S100Z: variants seen among roughly 807,000 people sequenced by gnomAD.
S100Z encodes the protein protein S100-Z.
In S100Z, 11 loss-of-function variants were observed where a neutral mutation model predicts 8.5. The ratio of observed to expected loss-of-function variants is 1.30; its 90% CI spans 0.82 to 2.15. The LOEUF (loss-of-function observed/expected upper bound fraction) is 2.15. Ranked by LOEUF, S100Z falls within the 30% of genes most tolerant of loss-of-function variation. The pLI, the probability that S100Z is intolerant of heterozygous loss-of-function variation, is 0.00. For missense variants in S100Z, 126 were observed against 117.9 expected (o/e 1.07, Z -0.32); for synonymous variants, 34 against 43.8 (o/e 0.78, Z 0.89).
intron 1 of S100Z, among the ~76,000 whole-genome samples, chr5:76,863,100 C>T (rs553851114): frequency 6.6e-6 from 1 of 152,258 alleles, no homozygotes; most frequent in African/African-American, 2.4e-5. Context: ...TCTGTAGTTC[C>T]TGGAGTAGAG....
the S100Z span, among the ~76,000 whole-genome samples, chr5:76,935,470 A>C: frequency 6.6e-6 from 1 of 152,204 alleles, no homozygotes; most frequent in African/African-American, 2.4e-5. Flanking sequence ...CCACCATCTT[A>C]GCATCATAAA....
At chr5:76,881,105 T>C (rs1743387857) in intron 4 of S100Z, among the ~76,000 whole-genome samples, 1 of 152,026 alleles carries the variant, frequency 6.6e-6, no homozygotes, top group South Asian at 2.1e-4. Flanking sequence ...AGTATTGGAG[T>C]GTACTTTGTC....
intron 4 of S100Z, among the ~76,000 whole-genome samples, chr5:76,900,175 C>A (rs139570893): frequency 6.6e-6 from 1 of 152,038 alleles, no homozygotes; most frequent in African/African-American, 2.4e-5. Context: ...TTTTGGTTGA[C>A]CTTTGGGAGT....
the S100Z span, among the ~76,000 whole-genome samples, chr5:76,940,577 T>C: frequency 6.6e-6 from 1 of 152,176 alleles, no homozygotes; most frequent in Non-Finnish European, 1.5e-5. Flanking sequence ...CACACCTAGC[T>C]AATTTTTGTA....
downstream of S100Z, among the ~76,000 whole-genome samples, chr5:76,926,005 G>C (rs1745131508): frequency 6.6e-6 from 1 of 151,968 alleles, no homozygotes; most frequent in Admixed American, 6.6e-5. Flanking sequence ...AAAATATAAG[G>C]GCACATAGTT....
chr5:76,888,171 C>T (rs931244620), intron 4 of S100Z, among the ~76,000 whole-genome samples: 2 of 150,496 alleles, frequency 1.3e-5, no homozygotes, highest in Non-Finnish European at 3.0e-5. Context: ...GCAGGAGAAT[C>T]GCTGGAACCC....
chr5:76,929,372 A>G, the S100Z span, among the ~76,000 whole-genome samples: 1 of 152,280 alleles, frequency 6.6e-6, no homozygotes, highest in African/African-American at 2.4e-5. Flanking sequence ...GAGTTGCTGG[A>G]CCAATTGAAC....
At chr5:76,871,050 G>A (rs1353239414) in intron 2 of S100Z, among the ~76,000 whole-genome samples, 1 of 152,160 alleles carries the variant, frequency 6.6e-6, no homozygotes, top group Non-Finnish European at 1.5e-5. Flanking sequence ...CTGAACAACT[G>A]AATTCCAGGC....
At position 76,852,050 on chromosome 5, in the gene S100Z, T is replaced by A. The variant is rs1469778427; in HGVS notation, c.-176+1895T>A. Among the ~76,000 whole-genome samples, 4 of 143,294 alleles carry A rather than the reference T, an allele frequency of 2.8e-5. No individual in the cohort carries two copies. In the East Asian group the frequency reaches 7.8e-4, roughly 28 times the overall value. The allele number at this position is 143,294 out of a possible 152,430, so 94.0% of individuals were successfully genotyped here. On this transcript the variant is annotated intron_variant, in intron 1 of 4. Transcript: ENST00000317593. ...ATTCTTAAAAATTAAAATTTCTCACTTTTTCTTTTAAAAAAAAAAAAAGTG... is the reference window on the plus strand; with the variant it reads ...ATTCTTAAAAATTAAAATTTCTCACATTTTCTTTTAAAAAAAAAAAAAGTG...
chr5:76,890,568 T>A (rs1458609690), intron 4 of S100Z, among the ~76,000 whole-genome samples: 1 of 152,148 alleles, frequency 6.6e-6, no homozygotes, highest in African/African-American at 2.4e-5. Flanking sequence ...GATGATTGCT[T>A]GAGCCCAGGG....
intron 4 of S100Z, among the ~76,000 whole-genome samples, chr5:76,907,275 A>G (rs181374291): frequency 5.9e-4 from 90 of 151,948 alleles, no homozygotes; most frequent in African/African-American, 2.1e-3. Flanking sequence ...TCCTGATACC[A>G]TATAGTCTTG....
chr5:76,901,051 C>T (rs973678232), intron 4 of S100Z, among the ~76,000 whole-genome samples: 25 of 152,208 alleles, frequency 1.6e-4, no homozygotes, highest in Non-Finnish European at 1.6e-4. Context: ...CTCTAGTTCT[C>T]GTCCCTTACT....
At chr5:76,913,612 A>T (rs998266061) in intron 4 of S100Z, among the ~76,000 whole-genome samples, 1 of 152,242 alleles carries the variant, frequency 6.6e-6, no homozygotes, top group Non-Finnish European at 1.5e-5. Flanking sequence ...ACAGTGTAAC[A>T]TGTATTATCC....
rs186337177 is a variant in S100Z, at chr5:76,911,881, C to G, written c.*3-8836C>G. Reference sequence around the variant, plus strand: ...AGTTGCGGGGGTTCCTTGGAATCACCGGCTTTTGCTGACTATGGATCCCTG... The same window carrying G: ...AGTTGCGGGGGTTCCTTGGAATCACGGGCTTTTGCTGACTATGGATCCCTG... On this transcript the variant is annotated intron_variant, in intron 4 of 4. Transcript: ENST00000317593. Among the ~76,000 whole-genome samples, 807 of 152,278 alleles carry G rather than the reference C, an allele frequency of 5.3e-3. 6 individuals carry two copies. Among genetic ancestry groups the G allele is most frequent in the Middle Eastern group, 6.8e-3 (2 of 294 alleles).
the S100Z span, among the ~76,000 whole-genome samples, chr5:76,950,644 A>G: frequency 6.6e-6 from 1 of 152,236 alleles, no homozygotes; most frequent in Non-Finnish European, 1.5e-5. Flanking sequence ...AAATATGGAG[A>G]AAAACTGAAA....
Position 76,875,966 on chromosome 5 carries a change from C to T in S100Z, c.141+466C>T, listed in dbSNP as rs977927413. ...CAAATACTTAGAGAGCTTTGTCAGC[C>T]GAGCACAGACTGATTGGGATTGATA... On this transcript the variant is annotated intron_variant, in intron 3 of 4. Transcript: ENST00000317593. Among the ~76,000 whole-genome samples, 10 of 152,134 alleles carry T rather than the reference C, an allele frequency of 6.6e-5. No individual in the cohort carries two copies. In the South Asian group the frequency reaches 1.9e-3, roughly 28 times the overall value.
chr5:76,941,902 G>A, the S100Z span, among the ~76,000 whole-genome samples: 18 of 151,496 alleles, frequency 1.2e-4, no homozygotes, highest in Non-Finnish European at 2.9e-5. Flanking sequence ...ATTTATATTA[G>A]TATGGATTTG....
At chr5:76,874,242 T>C (rs982525097) in intron 2 of S100Z, among the ~76,000 whole-genome samples, 2 of 151,682 alleles carry the variant, frequency 1.3e-5, no homozygotes, top group East Asian at 1.9e-4. Flanking sequence ...TTTAATCTAC[T>C]ATGAATTTAC....
intron 4 of S100Z, among the ~76,000 whole-genome samples, chr5:76,891,629 G>A (rs1298898708): frequency 3.9e-5 from 6 of 152,182 alleles, no homozygotes; most frequent in Non-Finnish European, 7.3e-5. Context: ...TAGACTCTAG[G>A]ATGAAGAGGA....
Sources: allele counts gnomAD v4.1 joint callset (sites outside exome capture counted in the v4.1 genomes callset), GRCh38; gene constraint gnomAD v4.1.1; transcripts MANE v1.5; gene names NCBI Gene and HGNC (gene_info 2026-07-23, HGNC 2026-07-21).